The following MSTN variants were observed in gnomAD, a reference collection of about 807,000 sequenced individuals.
MSTN encodes the protein myostatin.
A neutral mutation model predicts 32.3 loss-of-function variants in MSTN; 12 were observed. The observed-to-expected ratio is 0.37, with a 90% CI of 0.24 to 0.60. The LOEUF is 0.60. Ranked by LOEUF, MSTN falls within the 20% of genes least tolerant of loss-of-function variation. The probability of loss-of-function intolerance (pLI) is 0.67; values close to 1 mark genes in which losing one functional copy is unlikely to be tolerated. For synonymous variants in MSTN, 168 were observed against 155.1 expected (o/e 1.08, Z -0.62); for missense variants, 403 against 450.3 (o/e 0.89, Z 0.95).
intron 1 of MSTN, among the ~76,000 whole-genome samples, chr2:190,060,978 C>A (rs958289587): frequency 1.3e-5 from 2 of 151,854 alleles, no homozygotes; most frequent in Non-Finnish European, 2.9e-5. Context: ...TTTAAAGGAG[C>A]AAAACTAAGC....
chr2:190,059,107 A>G (rs547414622), intron 2 of MSTN, among the ~76,000 whole-genome samples: 22 of 151,874 alleles, frequency 1.4e-4, no homozygotes, highest in Non-Finnish European at 3.2e-4. Context: ...TCTGCTAATT[A>G]TATCATCTTT....
rs776915480 is a variant in MSTN, at chr2:190,057,619, T to A, written c.767A>T (p.Lys256Met). Residue 256 changes from lysine (K) to methionine (M), a missense_variant, in exon 3 of 3, where the codon AAG becomes ATG. Physicochemically the swap from Lys to Met is moderately conservative, Grantham distance 95. Coordinates refer to ENST00000260950, the MANE Select transcript of MSTN (RefSeq NM_005259.3). ...GGATCTTTTTGGTGTGTCTGTTACCTTGACCTCTAAAAACGGATTCTGTTT... is the reference window on the plus strand; with the variant it reads ...GGATCTTTTTGGTGTGTCTGTTACCATGACCTCTAAAAACGGATTCTGTTT... ...EDGLNPFLEVKVTDTPKRSRR... is the reference protein window; with the variant it reads ...EDGLNPFLEVMVTDTPKRSRR... 1 of 1,613,290 alleles carries A rather than the reference T, an allele frequency of 6.2e-7. No individual in the cohort carries two copies. Among genetic ancestry groups the A allele is most frequent in the South Asian group, 1.1e-5 (1 of 91,052 alleles).
intron 1 of MSTN, among the ~76,000 whole-genome samples, chr2:190,061,375 G>A (rs1428513608): frequency 1.3e-5 from 2 of 151,924 alleles, no homozygotes; most frequent in African/African-American, 2.4e-5. Context: ...ACTGCAAAAG[G>A]AATTGTATGA....
intron 2 of MSTN, among the ~76,000 whole-genome samples, chr2:190,058,933 A>G (rs79721347): frequency 6.6e-6 from 1 of 151,852 alleles, no homozygotes; most frequent in Non-Finnish European, 1.5e-5. Flanking sequence ...ACCACTGTAC[A>G]ATTCATCTAT....
Position 190,056,697 on chromosome 2 carries a change from T to C in MSTN, c.*561A>G, listed in dbSNP as rs1289430544. On this transcript the variant is annotated 3_prime_UTR_variant, in exon 3 of 3. Coordinates refer to ENST00000260950, the MANE Select transcript of MSTN (RefSeq NM_005259.3). ...CATTCAGCCTATCGTATTAGCACCG[T>C]TGGCATGGATTGTTAATGTACTGTG... 1 of 153,688 alleles carries C rather than the reference T, an allele frequency of 6.5e-6. No homozygotes were observed. Among genetic ancestry groups the C allele is most frequent in the East Asian group, 1.9e-4 (1 of 5,230 alleles). The allele number at this position is 153,688 out of a possible 1,614,324, so 9.5% of individuals were successfully genotyped here.
chr2:190,057,459 G>A lies in MSTN; in HGVS notation c.927C>T (p.Cys309=), dbSNP rs1685468006. 1 of 1,613,500 alleles carries A rather than the reference G, an allele frequency of 6.2e-7. No individual in the cohort carries two copies. The highest frequency in any genetic ancestry group is 8.5e-7 in the Non-Finnish European group (1 of 1,179,560). The change falls in exon 3 of 3, where the codon TGC becomes TGT. Residue 309 remains cysteine (C), a synonymous_variant. Coordinates refer to ENST00000260950, the MANE Select transcript of MSTN (RefSeq NM_005259.3). Reference sequence around the variant, plus strand: ...AAAATACAAATTCACACTCTCCAGAGCAGTAATTGGCCTTATATCTTTTAG... The same window carrying A: ...AAAATACAAATTCACACTCTCCAGAACAGTAATTGGCCTTATATCTTTTAG... ...IAPKRYKANY[C]SGECEFVFLQ...
chr2:190,060,209 A>T lies in MSTN; in HGVS notation c.600T>A (p.Thr200=), dbSNP rs1205574397. ...TCACATCAATGCTCTGCCAAATACC[A>T]GTGCCTGGGTTCATGTCAAGTTTCA... The part of the protein sequence containing the change: ...RSLKLDMNPG[T]GIWQSIDVKT... Residue 200 remains threonine, a synonymous_variant, in exon 2 of 3, where the codon ACT becomes ACA. Transcript: ENST00000260950. 6.2e-7 allele frequency: 1 copy of T among 1,613,006 alleles called. No homozygotes were observed. Among genetic ancestry groups the T allele is most frequent in the Non-Finnish European group, 8.5e-7 (1 of 1,179,318 alleles).
rs1457842871 is a variant in MSTN at position 190,062,579 on chromosome 2, G to A, written c.18C>T (p.Leu6=). 6.2e-7 allele frequency: 1 copy of A among 1,612,176 alleles called. No homozygotes were observed. The highest frequency in any genetic ancestry group is 1.1e-5 in the South Asian group (1 of 90,670). MQKLQ[L]CVYIYLFMLI... ...GCATAAACAGGTAAATATAAACACA[G>A]AGTTGCAGTTTTTGCATGATTTTAA... The change falls in exon 1 of 3, where the codon CTC becomes CTT. Residue 6 remains leucine, a synonymous_variant. Transcript: ENST00000260950.
At chr2:190,058,999 T>C (rs1264899572) in intron 2 of MSTN, among the ~76,000 whole-genome samples, 1 of 151,624 alleles carries the variant, frequency 6.6e-6, no homozygotes, top group African/African-American at 2.4e-5. Context: ...TGTGTGTGTG[T>C]GTATAAATAT....
At position 190,060,464 on chromosome 2, in the gene MSTN, C is replaced by T. The variant is rs1465645292; in HGVS notation, c.374-29G>A. ...TAAATGAATAAGAAAAGAAAAGTTG[C>T]TGAAATTATTTCCCATTAACAAAAC... is the stretch of plus-strand genomic sequence containing the variant. On this transcript the variant is annotated intron_variant, in intron 1 of 2. Transcript: ENST00000260950. The T allele has an allele frequency of 2.5e-6, 4 of 1,594,004 alleles. 1 individual carries two copies. The South Asian group carries it at 4.6e-5, about 18-fold the overall frequency.
Position 190,057,473 on chromosome 2 carries a change from T to C in MSTN, c.913A>G (p.Lys305Glu), listed in dbSNP as rs772317945. 1 of 1,613,574 alleles carries C rather than the reference T, an allele frequency of 6.2e-7. No homozygotes were observed. The highest frequency in any genetic ancestry group is 8.5e-7 in the Non-Finnish European group (1 of 1,179,584). The change falls in exon 3 of 3, where the codon AAG (lysine) becomes GAG (glutamate). Residue 305 changes from lysine (K) to glutamate (E), a missense_variant. Transcript: ENST00000260950. ...CACTCTCCAGAGCAGTAATTGGCCTTATATCTTTTAGGAGCGATAATCCAA... is the reference window on the plus strand; with the variant it reads ...CACTCTCCAGAGCAGTAATTGGCCTCATATCTTTTAGGAGCGATAATCCAA... ...WDWIIAPKRY[K>E]ANYCSGECEF...
At position 190,062,692 on chromosome 2, in the gene MSTN, G is replaced by T; in HGVS notation, c.-96C>A. ...AATGCCAAGCAAAATTTTAATGCAT[G>T]TACAGTCTGAGAGACAACTTGCCAC... is the stretch of plus-strand genomic sequence containing the variant. On this transcript the variant is annotated 5_prime_UTR_variant, in exon 1 of 3. Coordinates refer to ENST00000260950, the MANE Select transcript of MSTN (RefSeq NM_005259.3). 8.2e-7 allele frequency: 1 copy of T among 1,217,700 alleles called. No individual in the cohort carries two copies. The highest frequency in any genetic ancestry group is 1.2e-6 in the Non-Finnish European group (1 of 863,820). The allele number at this position is 1,217,700 out of a possible 1,614,324, so 75.4% of individuals were successfully genotyped here. A position where few individuals can be genotyped will look rare whatever the true frequency, so the allele number is the denominator to read the frequency against.
chr2:190,060,025 TA>T, intron 2 of MSTN, 36 bp downstream of exon 2: 1 of 1,591,954 alleles, frequency 6.3e-7, no homozygotes, highest in East Asian at 2.2e-5. Context: ...AATAAAAACA[TA>T]AGGTTATTAT....
At chr2:190,060,570 G>C in intron 1 of MSTN, 135 bp from the exon 2 acceptor site, 1 of 759,084 alleles carries the variant, frequency 1.3e-6, no homozygotes, top group South Asian at 2.0e-5. Flanking sequence ...AATACCGTGT[G>C]GAACTTTATA....
rs746936791 is a variant in MSTN, at chr2:190,062,325, A to G, written c.272T>C (p.Ile91Thr). 10 of 1,613,264 alleles carry G rather than the reference A, an allele frequency of 6.2e-6. No individual in the cohort carries two copies. Among genetic ancestry groups the G allele is most frequent in the Admixed American group, 5.0e-5 (3 of 59,848 alleles). Residue 91 changes from isoleucine (I) to threonine (T), a missense_variant, in exon 1 of 3, where the codon ATT becomes ACT. Ile to Thr is a moderately conservative substitution (Grantham distance 89). Coordinates refer to ENST00000260950, the MANE Select transcript of MSTN (RefSeq NM_005259.3). The part of the protein sequence containing the change: ...LPKAPPLREL[I>T]DQYDVQRDDS... ...ATCCCTCTGGACATCATACTGATCA[A>G]TCAGTTCCCGGAGTGGAGGAGCTTT...
At position 190,057,142 on chromosome 2, in the gene MSTN, A is replaced by T; in HGVS notation, c.*116T>A. 2.8e-6 allele frequency: 3 copies of T among 1,074,548 alleles called. No homozygotes were observed. The highest frequency in any genetic ancestry group is 4.1e-6 in the Non-Finnish European group (3 of 725,686). 66.6% of individuals were successfully genotyped at this position (1,074,548 alleles called of 1,614,324 possible). On this transcript the variant is annotated 3_prime_UTR_variant, in exon 3 of 3. Transcript: ENST00000260950. ...AGTTTACATACTGTAGCTTATGCTT[A>T]AGTGACTGTAGCATACTCTAGGCCT...
Position 190,055,770 on chromosome 2 carries a change from A to G in MSTN, c.*1488T>C, listed in dbSNP as rs1428497290. 2.0e-5 allele frequency: 3 copies of G among 152,212 alleles called. No individual in the cohort carries two copies. Among genetic ancestry groups the G allele is most frequent in the Non-Finnish European group, 2.9e-5 (2 of 68,024 alleles). 9.4% of individuals were successfully genotyped at this position (152,212 alleles called of 1,614,324 possible). A position where few individuals can be genotyped will look rare whatever the true frequency, so the allele number is the denominator to read the frequency against. ...TTTCTACAAATTAGATGTAAGAAATAATTTCATTTAGTCATAGTACAATAA... is the reference window on the plus strand; with the variant it reads ...TTTCTACAAATTAGATGTAAGAAATGATTTCATTTAGTCATAGTACAATAA... On this transcript the variant is annotated 3_prime_UTR_variant, in exon 3 of 3. Transcript: ENST00000260950.
Position 190,057,437 on chromosome 2 carries a change from A to G in MSTN, c.949T>C (p.Phe317Leu), listed in dbSNP as rs749291285. Residue 317 changes from phenylalanine (F) to leucine (L), a missense_variant, in exon 3 of 3, where the codon TTT (phenylalanine) becomes CTT (leucine). By Grantham distance (22) the Phe-to-Leu change is conservative (BLOSUM62 0). Coordinates refer to ENST00000260950, the MANE Select transcript of MSTN (RefSeq NM_005259.3). The stretch of plus-strand genomic sequence containing the variant: ...TGAGTATGAGGATATTTTTGTAAAA[A>G]TACAAATTCACACTCTCCAGAGCAG... ...NYCSGECEFV[F>L]LQKYPHTHLV... is the part of the protein sequence containing the mutation. The G allele has an allele frequency of 2.5e-6, 4 of 1,613,584 alleles. No individual in the cohort carries two copies. Among genetic ancestry groups the G allele is most frequent in the Non-Finnish European group, 3.4e-6 (4 of 1,179,586 alleles).
Position 190,057,269 on chromosome 2 carries a change from C to T in MSTN, c.1117G>A (p.Gly373Arg), listed in dbSNP as rs779966989. ...KIPAMVVDRC[G>R]CS ...GCTTAATATAAATCTCATGAGCACC[C>T]ACAGCGGTCTACTACCATCGCTGGA... The change falls in exon 3 of 3, where the codon GGG becomes AGG. Residue 373 changes from glycine (G) to arginine (R), a missense_variant. Transcript: ENST00000260950. 10 of 1,613,060 alleles carry T rather than the reference C, an allele frequency of 6.2e-6. No homozygotes were observed. The highest frequency in any genetic ancestry group is 8.5e-6 in the Non-Finnish European group (10 of 1,179,416).
Sources: gnomAD v4.1 joint callset for allele counts (sites outside exome capture counted in the v4.1 genomes callset) on GRCh38, gnomAD v4.1.1 for gene constraint, MANE v1.5 for transcripts, NCBI Gene and HGNC (gene_info 2026-07-23, HGNC 2026-07-21) for gene names.